CCNA1: variants seen among roughly 807,000 people sequenced by gnomAD.
CCNA1 encodes cyclin A1.
Under a neutral mutation model 54.1 loss-of-function variants are expected in CCNA1, and 23 were observed. The ratio of observed to expected loss-of-function variants is 0.42; its 90% CI spans 0.31 to 0.60. The LOEUF is 0.60. CCNA1 is among the 20% of genes least tolerant of loss of function. CCNA1 has a pLI of 0.14. For synonymous variants in CCNA1, 208 were observed against 213.9 expected (o/e 0.97, Z 0.24); for missense variants, 450 against 556.7 (o/e 0.81, Z 1.93).
chr13:36,433,439 TTTCG>T (rs1402013139), intron 2 of CCNA1, among the ~76,000 whole-genome samples: 898 of 68,076 alleles, frequency 0.013, 35 homozygotes, highest in Non-Finnish European at 0.018. Flanking sequence ...TCTTTCTTTC[TTTCG>T]TTCTTTCTTT....
chr13:36,440,530 C>G (rs1224114915), intron 6 of CCNA1, among the ~76,000 whole-genome samples: 1 of 152,136 alleles, frequency 6.6e-6, no homozygotes, highest in East Asian at 1.9e-4. Context: ...TTAGTCTCAT[C>G]CTAATATATT....
chr13:36,438,962 G>T, intron 5 of CCNA1, 95 bp downstream of exon 5: 1 of 895,854 alleles, frequency 1.1e-6, no homozygotes, highest in South Asian at 1.5e-5. Context: ...TGCAATGCTT[G>T]ATAATTAAAA....
At chr13:36,442,479 A>C (rs986027269) in intron 8 of CCNA1, 135 bp from the exon 9 acceptor site, 2 of 1,085,660 alleles carry the variant, frequency 1.8e-6, no homozygotes, top group African/African-American at 3.2e-5. Context: ...ATAATTTGTC[A>C]GCTTTTAATA....
intron 1 of CCNA1, 104 bp from the exon 2 acceptor site, chr13:36,432,929 G>C: frequency 8.9e-7 from 1 of 1,118,220 alleles, no homozygotes. Flanking sequence ...ATTGGTGTTA[G>C]TCCCATTGCT....
intron 2 of CCNA1, among the ~76,000 whole-genome samples, chr13:36,435,555 T>C (rs1050233965): frequency 3.9e-4 from 59 of 152,374 alleles, no homozygotes; most frequent in African/African-American, 1.3e-3. Flanking sequence ...CTCCAAGTTT[T>C]CTACCTAGCT....
At chr13:36,440,563 G>T (rs1338058059) in intron 6 of CCNA1, among the ~76,000 whole-genome samples, 48 of 152,190 alleles carry the variant, frequency 3.2e-4, no homozygotes, top group Admixed American at 3.1e-3. Context: ...TTATTTGGTT[G>T]TTTGGAGTTA....
In CCNA1 at chr13:36,442,711, G is replaced by T; in HGVS notation, c.*46G>T. 1.3e-6 allele frequency: 2 copies of T among 1,512,208 alleles called. No homozygotes were observed. Among genetic ancestry groups the T allele is most frequent in the Non-Finnish European group, 1.8e-6 (2 of 1,088,532 alleles). The allele number at this position is 1,512,208 out of a possible 1,614,324, so 93.7% of individuals were successfully genotyped here. ...CCAGAACTTCACCTCCATATCAGAAGTGCCAATAATCGTCATAGGCTTCTG... is the reference window on the plus strand; with the variant it reads ...CCAGAACTTCACCTCCATATCAGAATTGCCAATAATCGTCATAGGCTTCTG... On this transcript the variant is annotated 3_prime_UTR_variant, in exon 9 of 9. Coordinates refer to ENST00000255465, the MANE Select transcript of CCNA1 (RefSeq NM_003914.4).
chr13:36,438,704 C>T lies in CCNA1; in HGVS notation c.730C>T (p.Arg244Cys), dbSNP rs2055838386. 1.2e-6 allele frequency: 2 copies of T among 1,614,070 alleles called. No homozygotes were observed. Among genetic ancestry groups the T allele is most frequent in the Non-Finnish European group, 1.7e-6 (2 of 1,179,988 alleles). The change falls in exon 5 of 9, where the codon CGC becomes TGC. Residue 244 changes from arginine (R) to cysteine (C), a missense_variant. Around this residue, in one of 6 missense-constraint regions of CCNA1, gnomAD observed 150 missense variants for 219.7 expected, o/e 0.68. Coordinates refer to ENST00000255465, the MANE Select transcript of CCNA1 (RefSeq NM_003914.4). The stretch of plus-strand genomic sequence containing the variant: ...GCAGCCAGACATCACGGAAGGCATG[C>T]GCACGATTCTGGTGGACTGGCTGGT...
Position 36,438,235 on chromosome 13 carries a change from C to G in CCNA1, c.669+44C>G, listed in dbSNP as rs771316805. The G allele has an allele frequency of 7.0e-6, 11 of 1,560,748 alleles. 1 individual carries two copies. The Admixed American group carries it at 9.4e-5, about 13-fold the overall frequency. ...TACTTCAATCTTCAGGACCCGAGCT[C>G]TTATTACTAAGATAAATTATAAACT... On this transcript the variant is annotated intron_variant, in intron 4 of 8. Transcript: ENST00000255465.
intron 7 of CCNA1, 93 bp from the exon 8 acceptor site, chr13:36,442,078 C>T: frequency 2.2e-6 from 2 of 925,672 alleles, no homozygotes; most frequent in Non-Finnish European, 3.3e-6. Flanking sequence ...TGAATATTTA[C>T]TAAGGGACTA....
Position 36,442,660 on chromosome 13 carries a change from C to A in CCNA1, c.1393C>A (p.Gln465Lys), listed in dbSNP as rs2055889871. 1 of 1,613,568 alleles carries A rather than the reference C, an allele frequency of 6.2e-7. No individual in the cohort carries two copies. Among genetic ancestry groups the A allele is most frequent in the South Asian group, 1.1e-5 (1 of 90,972 alleles). Residue 465 changes from glutamine (Q) to lysine (K), a missense_variant, in exon 9 of 9, where the codon CAA (glutamine) becomes AAA (lysine). Gln to Lys is a moderately conservative substitution (Grantham distance 53, BLOSUM62 1). Transcript: ENST00000255465. ...GGAGCCACCTGCAGTTCTTCTTCTA[C>A]AATAAGTTTCTGAATGGAAGCACTT... is the stretch of plus-strand genomic sequence containing the variant.
chr13:36,432,978 G>GC, intron 1 of CCNA1, 55 bp from the exon 2 acceptor site: 1 of 1,540,376 alleles, frequency 6.5e-7, no homozygotes, highest in Non-Finnish European at 8.9e-7. Context: ...TGTCCTTGGA[G>GC]CCCGGGGTGG....
chr13:36,432,783 TC>T, intron 1 of CCNA1, 54 bp downstream of exon 1: 1 of 1,225,306 alleles, frequency 8.2e-7, no homozygotes, highest in Non-Finnish European at 1.2e-6. Context: ...TTTCTCTCCT[TC>T]CAGCCCAACA....
intron 4 of CCNA1, 47 bp downstream of exon 4, chr13:36,438,238 A>G (rs2137826402): frequency 6.5e-7 from 1 of 1,548,240 alleles, no homozygotes. Context: ...CCGAGCTCTT[A>G]TTACTAAGAT....
Position 36,433,203 on chromosome 13 carries a change from C to T in CCNA1, c.279C>T (p.Tyr93=), listed in dbSNP as rs2055738766. The change falls in exon 2 of 9, where the codon TAC becomes TAT. Residue 93 remains tyrosine, a synonymous_variant. Coordinates refer to ENST00000255465, the MANE Select transcript of CCNA1 (RefSeq NM_003914.4). The stretch of plus-strand genomic sequence containing the variant: ...GGCTGCTAACTGCAAATGGGCAGTA[C>T]AGGAGGACCTGTGGCCAGGTAATGA... The T allele has an allele frequency of 3.7e-6, 6 of 1,612,720 alleles. No homozygotes were observed. The highest frequency in any genetic ancestry group is 5.1e-6 in the Non-Finnish European group (6 of 1,179,412).
Position 36,438,769 on chromosome 13 carries a change from G to C in CCNA1, c.795G>C (p.Leu265=). The stretch of plus-strand genomic sequence containing the variant: ...AATATAAACTTCGAGCAGAGACCCT[G>C]TATCTGGCTGTCAACTTCCTGGACA... Residue 265 remains leucine, a synonymous_variant, in exon 5 of 9, where the codon CTG becomes CTC. Coordinates refer to ENST00000255465, the MANE Select transcript of CCNA1 (RefSeq NM_003914.4). 1 of 1,614,114 alleles carries C rather than the reference G, an allele frequency of 6.2e-7. No individual in the cohort carries two copies. The highest frequency in any genetic ancestry group is 1.1e-5 in the South Asian group (1 of 91,084).
At chr13:36,440,317 G>A in intron 6 of CCNA1, 134 bp downstream of exon 6, 2 of 755,450 alleles carry the variant, frequency 2.6e-6, no homozygotes, top group Non-Finnish European at 4.3e-6. Flanking sequence ...TTCCAGTGCT[G>A]AAAAAGAGCT....
In CCNA1 at chr13:36,433,142, C is replaced by G. The variant is rs760912284; in HGVS notation, c.218C>G (p.Pro73Arg). The stretch of plus-strand genomic sequence containing the variant: ...GCTTGTCAGATACTCACCAGAGCCC[C>G]GCTGGGCCAGGATCCCCCGCAGAGG... The change falls in exon 2 of 9, where the codon CCG becomes CGG. Residue 73 changes from proline to arginine, a missense_variant. By Grantham distance (103) the Pro-to-Arg change is moderately radical. This residue lies in a region of CCNA1 where 103 missense variants were observed against 100.9 expected (regional missense o/e 1.02). Transcript: ENST00000255465. 4 of 1,614,090 alleles carry G rather than the reference C, an allele frequency of 2.5e-6. No homozygotes were observed. The highest frequency in any genetic ancestry group is 2.2e-5 in the East Asian group (1 of 44,872).
intron 2 of CCNA1, among the ~76,000 whole-genome samples, chr13:36,433,477 CCT>C (rs2055760258): frequency 7.2e-6 from 1 of 139,630 alleles, no homozygotes; most frequent in African/African-American, 2.7e-5. Flanking sequence ...CTCTTTCTTT[CCT>C]TCTTTCTTTT....
Sources: allele counts gnomAD v4.1 joint callset (sites outside exome capture counted in the v4.1 genomes callset), GRCh38; gene constraint gnomAD v4.1.1; regional missense constraint gnomAD v4.1.1; transcripts MANE v1.5; gene names NCBI Gene and HGNC (gene_info 2026-07-23, HGNC 2026-07-21).